STXBP6: variants seen among roughly 807,000 people sequenced by gnomAD.
STXBP6 encodes syntaxin binding protein 6, also known as syntaxin-binding protein 6.
A neutral mutation model predicts 26.9 loss-of-function variants in STXBP6; 21 were observed. The ratio of observed to expected loss-of-function variants is 0.78; its 90% CI spans 0.55 to 1.12. The LOEUF is 1.12. Among genes scored for constraint, STXBP6 ranks in the 50% most tolerant of loss-of-function variants. The pLI, the probability that STXBP6 is intolerant of heterozygous loss-of-function variation, is 0.00. For synonymous variants in STXBP6, 97 were observed against 92.6 expected, an observed-to-expected ratio of 1.05 and a Z score of -0.27; for missense variants, 232 against 257.9, an observed-to-expected ratio of 0.90 and a Z score of 0.69.
intron 1 of STXBP6, among the ~76,000 whole-genome samples, chr14:25,017,279 G>A (rs2075170052): frequency 6.6e-6 from 1 of 152,222 alleles, no homozygotes; most frequent in African/African-American, 2.4e-5. Context: ...ATATGAAATA[G>A]GGATAGAATT....
At chr14:24,904,320 T>G (rs945740444) in intron 2 of STXBP6, among the ~76,000 whole-genome samples, 1 of 152,202 alleles carries the variant, frequency 6.6e-6, no homozygotes, top group Non-Finnish European at 1.5e-5. Context: ...CCCATCTACG[T>G]TGACAGGGAA....
intron 2 of STXBP6, among the ~76,000 whole-genome samples, chr14:24,879,986 T>C (rs749470963): frequency 2.0e-5 from 3 of 152,170 alleles, no homozygotes; most frequent in Non-Finnish European, 2.9e-5. Flanking sequence ...CTCCCTTTCG[T>C]CATCTATTAA....
At chr14:24,815,775 G>T (rs1459971978) in intron 5 of STXBP6, 3 of 152,090 alleles carry the variant, frequency 2.0e-5, no homozygotes, top group Non-Finnish European at 4.4e-5. Context: ...GTGCTTTTTG[G>T]CAAGGGAAAG....
chr14:24,890,492 A>T (rs2771289), intron 2 of STXBP6, among the ~76,000 whole-genome samples: 55,362 of 151,662 alleles, frequency 0.37, 10,298 homozygotes, highest in East Asian at 0.43. Context: ...CAAGAAAACT[A>T]AAAAAAAATT....
At chr14:24,922,412 G>T (rs112273710) in intron 2 of STXBP6, among the ~76,000 whole-genome samples, 4,851 of 152,122 alleles carry the variant, frequency 0.032, 200 homozygotes, top group African/African-American at 0.1. Flanking sequence ...CTCACCTAGC[G>T]GAATTATCAA....
intron 4 of STXBP6, among the ~76,000 whole-genome samples, chr14:24,828,223 T>A (rs1393960472): frequency 1.3e-5 from 2 of 152,050 alleles, no homozygotes; most frequent in African/African-American, 4.8e-5. Flanking sequence ...CCTCTAAAGA[T>A]GACAGGGACA....
chr14:25,048,553 A>C (rs1401424112), intron 1 of STXBP6, among the ~76,000 whole-genome samples: 5 of 152,204 alleles, frequency 3.3e-5, no homozygotes, highest in Admixed American at 3.3e-4. Flanking sequence ...TGAGCCCCTA[A>C]ATCCTGGCAC....
At chr14:24,866,443 G>A (rs2069725738) in intron 2 of STXBP6, among the ~76,000 whole-genome samples, 1 of 152,078 alleles carries the variant, frequency 6.6e-6, no homozygotes, top group African/African-American at 2.4e-5. Flanking sequence ...ATATGCGTGT[G>A]TATATGTGTG....
At chr14:24,970,335 T>C (rs1194946924) in intron 2 of STXBP6, among the ~76,000 whole-genome samples, 2 of 152,112 alleles carry the variant, frequency 1.3e-5, no homozygotes, top group Non-Finnish European at 2.9e-5. Flanking sequence ...CAAAAATGTA[T>C]ACACCTACGT....
chr14:24,863,344 T>C (rs1489647589), intron 2 of STXBP6, among the ~76,000 whole-genome samples: 4 of 152,142 alleles, frequency 2.6e-5, no homozygotes, highest in East Asian at 1.9e-4. Flanking sequence ...ATTTGATACA[T>C]TCTTGAGTCA....
intron 2 of STXBP6, among the ~76,000 whole-genome samples, chr14:24,963,677 T>C (rs1016496683): frequency 2.0e-5 from 3 of 152,168 alleles, no homozygotes; most frequent in African/African-American, 7.2e-5. Context: ...TCAAGGTCTA[T>C]TAAATGATCA....
chr14:24,949,809 CTCAGCCAATCACAGTGGCTGAGTT>C (rs1486731904), intron 2 of STXBP6, among the ~76,000 whole-genome samples: 18 of 152,136 alleles, frequency 1.2e-4, no homozygotes, highest in Non-Finnish European at 2.1e-4. Flanking sequence ...GTAACTGAGC[CTCAGCCAATCACAGTGGCTGAGTT>C]TCAGCCAATC....
chr14:24,997,779 T>C (rs1262751530), intron 1 of STXBP6, among the ~76,000 whole-genome samples: 10 of 152,306 alleles, frequency 6.6e-5, no homozygotes, highest in African/African-American at 2.4e-4. Flanking sequence ...TTCCTATGAA[T>C]ATATAATTCA....
intron 2 of STXBP6, among the ~76,000 whole-genome samples, chr14:24,857,948 T>C (rs907757068): frequency 1.1e-4 from 16 of 152,070 alleles, no homozygotes; most frequent in African/African-American, 3.9e-4. Flanking sequence ...GGGTAGGAAG[T>C]AATTAATTGT....
At chr14:24,983,533 C>T (rs2074253014) in intron 1 of STXBP6, among the ~76,000 whole-genome samples, 1 of 152,196 alleles carries the variant, frequency 6.6e-6, no homozygotes, top group African/African-American at 2.4e-5. Flanking sequence ...GAAGGAAAAG[C>T]ACTAAACCCA....
chr14:25,033,731 G>A (rs1220190921), intron 1 of STXBP6, among the ~76,000 whole-genome samples: 2 of 152,082 alleles, frequency 1.3e-5, no homozygotes, highest in African/African-American at 4.8e-5. Context: ...GTACCCCCCT[G>A]GAGCACTTAC....
intron 2 of STXBP6, among the ~76,000 whole-genome samples, chr14:24,947,285 C>T (rs1420366798): frequency 6.6e-6 from 1 of 152,152 alleles, no homozygotes; most frequent in Non-Finnish European, 1.5e-5. Context: ...GTGGCTTATG[C>T]TCAGGCAGGA....
At chr14:24,953,985 G>T (rs1381454895) in intron 2 of STXBP6, among the ~76,000 whole-genome samples, 1 of 152,208 alleles carries the variant, frequency 6.6e-6, no homozygotes, top group African/African-American at 2.4e-5. Context: ...AGGATGGGCT[G>T]AGGATCCTTG....
chr14:24,846,389 G>T, intron 4 of STXBP6, among the ~76,000 whole-genome samples: 1 of 151,882 alleles, frequency 6.6e-6, no homozygotes, highest in East Asian at 1.9e-4. Flanking sequence ...TTGTATCTTT[G>T]AATGACTAAC....
Sources: gnomAD v4.1 joint callset for allele counts (sites outside exome capture counted in the v4.1 genomes callset) on GRCh38, gnomAD v4.1.1 for gene constraint, MANE v1.5 for transcripts, NCBI Gene and HGNC (gene_info 2026-07-23, HGNC 2026-07-21) for gene names.